KCNH5: variants seen among roughly 807,000 people sequenced by gnomAD.
KCNH5 encodes the protein potassium voltage-gated channel subfamily H member 5.
In KCNH5, 46 loss-of-function variants were observed where a neutral mutation model predicts 96.1. The observed-to-expected ratio is 0.48, with a 90% CI of 0.38 to 0.61. The LOEUF (loss-of-function observed/expected upper bound fraction) is 0.61, where lower values mean the gene tolerates loss of function less well. Ranked by LOEUF, KCNH5 falls within the 20% of genes least tolerant of loss-of-function variation. KCNH5 has a pLI of 0.00. For missense variants in KCNH5, 907 were observed against 1,225.8 expected, an observed-to-expected ratio of 0.74 and a Z score of 3.88; for synonymous variants, 439 against 449.8, an observed-to-expected ratio of 0.98 and a Z score of 0.30.
intron 5 of KCNH5, 39 bp from the exon 6 acceptor site, chr14:62,981,303 T>C (rs371506835): frequency 1.3e-6 from 2 of 1,588,012 alleles, no homozygotes; most frequent in Non-Finnish European, 1.7e-6. Flanking sequence ...GACTAGGTTA[T>C]CTCTGCACAG....
intron 10 of KCNH5, among the ~76,000 whole-genome samples, chr14:62,739,962 G>C (rs541630912): frequency 6.6e-6 from 1 of 152,122 alleles, no homozygotes; most frequent in Non-Finnish European, 1.5e-5. Flanking sequence ...GATGATTTTG[G>C]AGGGTAGGGA....
chr14:62,923,786 G>T (rs1382023383), intron 7 of KCNH5, among the ~76,000 whole-genome samples: 1 of 151,738 alleles, frequency 6.6e-6, no homozygotes, highest in Non-Finnish European at 1.5e-5. Flanking sequence ...ATAAAATTGG[G>T]ACTTCATCTC....
rs187953549 is a variant in KCNH5, at chr14:62,893,467, C to A, written c.1370-43615G>T. Among the ~76,000 whole-genome samples, 39 of 152,248 alleles carry A rather than the reference C, an allele frequency of 2.6e-4. 1 individual carries two copies. In the East Asian group the frequency reaches 6.8e-3, roughly 26 times the overall value. On this transcript the variant is annotated intron_variant, in intron 7 of 10. Coordinates refer to ENST00000322893, the MANE Select transcript of KCNH5 (RefSeq NM_139318.5). ...TGATAACATAAGATTTAGAATAGTA[C>A]ATAAATGGCCGGGCATGATGGCTCA... is the stretch of plus-strand genomic sequence containing the variant.
chr14:62,765,267 T>C (rs1885835111), intron 10 of KCNH5, among the ~76,000 whole-genome samples: 1 of 152,072 alleles, frequency 6.6e-6, no homozygotes, highest in Non-Finnish European at 1.5e-5. Flanking sequence ...AAACAAGCAA[T>C]AGGAAAAGGA....
chr14:62,856,588 T>TA (rs1241975247), intron 7 of KCNH5, among the ~76,000 whole-genome samples: 1 of 152,212 alleles, frequency 6.6e-6, no homozygotes, highest in Non-Finnish European at 1.5e-5. Context: ...CACAGCTTGT[T>TA]AAAACATTTG....
intron 10 of KCNH5, among the ~76,000 whole-genome samples, chr14:62,724,079 A>G (rs1595594756): frequency 6.6e-6 from 1 of 152,304 alleles, no homozygotes; most frequent in East Asian, 1.9e-4. Context: ...TCCAGAGGAG[A>G]CAGTATTTCC....
In KCNH5 at chr14:62,839,145, TATAAC is replaced by T. The variant is rs540000374; in HGVS notation, c.1569+10503_1569+10507del. On this transcript the variant is annotated intron_variant, in intron 8 of 10. Coordinates refer to ENST00000322893, the MANE Select transcript of KCNH5 (RefSeq NM_139318.5). The stretch of plus-strand genomic sequence containing the variant: ...TACAAATGTTATTATATTGTATACT[TATAAC>T]ATAAATTGATGTTTACAAAATCATA... 1.5e-3 allele frequency among the ~76,000 whole-genome samples: 233 copies of T among 152,324 alleles called. 1 individual carries two copies. The highest frequency in any genetic ancestry group is 2.1e-3 in the Non-Finnish European group (143 of 68,014).
At position 62,956,790 on chromosome 14, in the gene KCNH5, G is replaced by C. The variant is rs553676555; in HGVS notation, c.943-6231C>G. On this transcript the variant is annotated intron_variant, in intron 6 of 10. Coordinates refer to ENST00000322893, the MANE Select transcript of KCNH5 (RefSeq NM_139318.5). The stretch of plus-strand genomic sequence containing the variant: ...TATATGATACTACTAGACAGTTTTA[G>C]AGGTTGATCCTCCAAAAATGCCCTT... Among the ~76,000 whole-genome samples, 21 of 152,234 alleles carry C rather than the reference G, an allele frequency of 1.4e-4. No individual in the cohort carries two copies. The South Asian group carries it at 4.1e-3, about 30-fold the overall frequency.
chr14:62,851,296 C>CA (rs1337239048), intron 7 of KCNH5, among the ~76,000 whole-genome samples: 1 of 151,800 alleles, frequency 6.6e-6, no homozygotes, highest in African/African-American at 2.4e-5. Flanking sequence ...TATTTAAAAA[C>CA]AAAAAAATTA....
chr14:62,844,623 A>G (rs1232746661), intron 8 of KCNH5, among the ~76,000 whole-genome samples: 1 of 152,206 alleles, frequency 6.6e-6, no homozygotes, highest in Non-Finnish European at 1.5e-5. Context: ...TTTAAAAAAA[A>G]TCTAAAGCAA....
intron 9 of KCNH5, among the ~76,000 whole-genome samples, chr14:62,795,182 C>G (rs1016483662): frequency 6.6e-6 from 1 of 152,066 alleles, no homozygotes; most frequent in African/African-American, 2.4e-5. Context: ...AAACCTCTAT[C>G]AACAAAGGAG....
intron 7 of KCNH5, among the ~76,000 whole-genome samples, chr14:62,936,356 G>C (rs1003624562): frequency 2.6e-5 from 4 of 152,232 alleles, no homozygotes; most frequent in South Asian, 2.1e-4. Context: ...CCAGTAGAGA[G>C]AGAGAGAGAT....
chr14:62,797,232 T>C (rs1161225873), intron 9 of KCNH5, among the ~76,000 whole-genome samples: 1 of 152,204 alleles, frequency 6.6e-6, no homozygotes, highest in Non-Finnish European at 1.5e-5. Flanking sequence ...TCCTATTTTA[T>C]TCCAAAACCT....
intron 7 of KCNH5, among the ~76,000 whole-genome samples, chr14:62,887,504 A>G (rs1250355106): frequency 6.6e-6 from 1 of 152,190 alleles, no homozygotes; most frequent in Admixed American, 6.5e-5. Context: ...TATATTTAAC[A>G]AAAGAAGTGT....
chr14:62,819,068 G>A (rs550149946), intron 8 of KCNH5, among the ~76,000 whole-genome samples: 5 of 152,244 alleles, frequency 3.3e-5, no homozygotes, highest in South Asian at 4.1e-4. Context: ...CCGGGTTCAC[G>A]CCATTCTCCT....
At chr14:63,045,046 TG>T in intron 1 of KCNH5, 67 bp downstream of exon 1, 1 of 1,189,940 alleles carries the variant, frequency 8.4e-7, no homozygotes, top group Non-Finnish European at 1.3e-6. Context: ...AGGGATGGGA[TG>T]GGGAGGATGG....
At position 62,704,147 on chromosome 14, in the gene KCNH5, C is replaced by G. The variant is rs1294797563; in HGVS notation, c.*3361G>C. The G allele has an allele frequency of 6.6e-6, 1 of 151,790 alleles. No homozygotes were observed. The highest frequency in any genetic ancestry group is 1.5e-5 in the Non-Finnish European group (1 of 67,778). The allele number at this position is 151,790 out of a possible 1,614,324, so 9.4% of individuals were successfully genotyped here. The stretch of plus-strand genomic sequence containing the variant: ...TTTCCTATTAAAGTGTTGAGTACAA[C>G]AGAAGTACACATTTTTTCTAGAGCA... On this transcript the variant is annotated 3_prime_UTR_variant, in exon 11 of 11. Transcript: ENST00000322893.
intron 7 of KCNH5, among the ~76,000 whole-genome samples, chr14:62,909,496 G>A (rs1489608201): frequency 6.6e-6 from 1 of 152,110 alleles, no homozygotes; most frequent in Non-Finnish European, 1.5e-5. Context: ...GAAACATCAT[G>A]ATCAGGTTGC....
chr14:62,854,405 T>C (rs1887890020), intron 7 of KCNH5, among the ~76,000 whole-genome samples: 1 of 152,152 alleles, frequency 6.6e-6, no homozygotes, highest in Non-Finnish European at 1.5e-5. Flanking sequence ...GTGTTATAAA[T>C]ATACAGAAGG....
Sources: allele counts gnomAD v4.1 joint callset (sites outside exome capture counted in the v4.1 genomes callset), GRCh38; gene constraint gnomAD v4.1.1; transcripts MANE v1.5; gene names NCBI Gene and HGNC (gene_info 2026-07-23, HGNC 2026-07-21).